The following SYBU variants were observed in gnomAD, a reference collection of about 807,000 sequenced individuals.
SYBU encodes GOLSYN A protein.
A neutral mutation model predicts 35.9 loss-of-function variants in SYBU; 21 were observed. The observed-to-expected ratio is 0.58, with a 90% CI of 0.41 to 0.84. The LOEUF (loss-of-function observed/expected upper bound fraction) is 0.84. Among genes scored for constraint, SYBU ranks in the 40% least tolerant of loss-of-function variants. The probability of loss-of-function intolerance (pLI) is 0.00; values close to 1 mark genes in which losing one functional copy is unlikely to be tolerated. For missense variants in SYBU, 768 were observed against 848.2 expected, an observed-to-expected ratio of 0.91 and a Z score of 1.17; for synonymous variants, 319 against 324.3, an observed-to-expected ratio of 0.98 and a Z score of 0.18.
chr8:109,616,891 C>A (rs1811858509), intron 3 of SYBU, among the ~76,000 whole-genome samples: 1 of 151,910 alleles, frequency 6.6e-6, no homozygotes, highest in Non-Finnish European at 1.5e-5. Context: ...GTAATCCCAG[C>A]ACTTTGGGAG....
upstream of SYBU, among the ~76,000 whole-genome samples, chr8:109,684,632 G>A (rs1430591444): frequency 1.3e-5 from 2 of 152,234 alleles, no homozygotes; most frequent in African/African-American, 2.4e-5. Flanking sequence ...GTCTTTGGCT[G>A]AACTTCATGC....
At chr8:109,624,845 A>C (rs562292471) in intron 2 of SYBU, among the ~76,000 whole-genome samples, 2 of 152,332 alleles carry the variant, frequency 1.3e-5, no homozygotes, top group Non-Finnish European at 2.9e-5. Flanking sequence ...ATTGGAACAC[A>C]GCCATGCCCA....
Position 109,672,868 on chromosome 8 carries a change from A to T in SYBU, c.-129+7843T>A, listed in dbSNP as rs375859065. Among the ~76,000 whole-genome samples the T allele has an allele frequency of 2.9e-4, 44 of 152,246 alleles. No homozygotes were observed. In the East Asian group the frequency reaches 4.5e-3, roughly 15 times the overall value. On this transcript the variant is annotated intron_variant, in intron 1 of 5. Transcript: ENST00000408889. ...GGGGGAGGGGCATCTGCCATTACTG[A>T]GGCTTGAGTAGGTGATTTTCCCCAC... is the stretch of plus-strand genomic sequence containing the variant.
In SYBU at chr8:109,597,704, G is replaced by T. The variant is rs968988129; in HGVS notation, c.428-11542C>A. Among the ~76,000 whole-genome samples, 3 of 152,138 alleles carry T rather than the reference G, an allele frequency of 2.0e-5. No homozygotes were observed. In the East Asian group the frequency reaches 5.8e-4, roughly 29 times the overall value. On this transcript the variant is annotated intron_variant, in intron 3 of 6. Transcript: ENST00000276646. ...ACTCCAGCCTGGGTGACAGAGTAAG[G>T]CCCTGTCTCAAAAAAAAGTTTTTTG...
chr8:109,657,597 T>C (rs559330909), intron 1 of SYBU, among the ~76,000 whole-genome samples: 1 of 152,364 alleles, frequency 6.6e-6, no homozygotes, highest in East Asian at 1.9e-4. Context: ...CTGTTGCCAC[T>C]GAAACTGGAA....
At chr8:109,633,827 G>A (rs894598358) in intron 2 of SYBU, among the ~76,000 whole-genome samples, 5 of 152,004 alleles carry the variant, frequency 3.3e-5, no homozygotes, top group East Asian at 1.9e-4. Flanking sequence ...TCCACCTCCC[G>A]GGCTCAAGTG....
intron 4 of SYBU, 175 bp downstream of exon 4, chr8:109,585,885 T>C (rs531103720): frequency 1.7e-5 from 10 of 588,990 alleles, no homozygotes; most frequent in African/African-American, 1.1e-4. Context: ...GTGACCACAG[T>C]TGGCAAGACA....
intron 3 of SYBU, chr8:109,608,146 G>A: frequency 1.9e-6 from 1 of 521,670 alleles, no homozygotes; most frequent in Non-Finnish European, 3.4e-6. Flanking sequence ...GCCTATCAGG[G>A]AAGAGCACAG....
In SYBU at chr8:109,575,940, G is replaced by A. The variant is rs375370963; in HGVS notation, c.958C>T (p.Arg320Trp). The A allele has an allele frequency of 1.4e-5, 23 of 1,612,594 alleles. No homozygotes were observed. The highest frequency in any genetic ancestry group is 2.2e-5 in the East Asian group (1 of 44,830). The change falls in exon 7 of 7, where the codon CGG becomes TGG. Residue 320 changes from arginine (R) to tryptophan (W), a missense_variant. Transcript: ENST00000276646. The part of the protein sequence containing the change: ...REDWIEEECH[R>W]VEAQLALKEA... Reference sequence around the variant, plus strand: ...TTGAGTGCCAACTGGGCCTCTACCCGGTGACACTCCTCCTCAATCCAGTCC... The same window carrying A: ...TTGAGTGCCAACTGGGCCTCTACCCAGTGACACTCCTCCTCAATCCAGTCC...
At position 109,579,829 on chromosome 8, in the gene SYBU, T is replaced by G. The variant is rs1822805576; in HGVS notation, c.704A>C (p.Tyr235Ser). 6.2e-7 allele frequency: 1 copy of G among 1,613,964 alleles called. No individual in the cohort carries two copies. The highest frequency in any genetic ancestry group is 8.5e-7 in the Non-Finnish European group (1 of 1,179,930). The change falls in exon 5 of 7, where the codon TAC becomes TCC. Residue 235 changes from tyrosine to serine, a missense_variant. Coordinates refer to ENST00000276646, the MANE Select transcript of SYBU (RefSeq NM_001099754.2). ...GATGGGGCTACAGTCGCTTCCTTTGTAGGAGCCTGAGTTGCTACTGCTTGG... is the reference window on the plus strand; with the variant it reads ...GATGGGGCTACAGTCGCTTCCTTTGGAGGAGCCTGAGTTGCTACTGCTTGG... Reference protein sequence around the residue: ...SSPSSSNSGSYKGSDCSPIMR... With the variant: ...SSPSSSNSGSSKGSDCSPIMR...
chr8:109,662,749 T>A (rs1339075399), intron 1 of SYBU, among the ~76,000 whole-genome samples: 1 of 152,230 alleles, frequency 6.6e-6, no homozygotes, highest in Non-Finnish European at 1.5e-5. Context: ...ACAAACTTTC[T>A]TGGTTATTCC....
At chr8:109,642,159 A>G (rs1039785599) in intron 2 of SYBU, among the ~76,000 whole-genome samples, 3 of 152,216 alleles carry the variant, frequency 2.0e-5, no homozygotes, top group Admixed American at 1.3e-4. Context: ...TTGCAGGGAC[A>G]TGGATGAAGC....
At chr8:109,578,202 C>T (rs890768162) in intron 5 of SYBU, among the ~76,000 whole-genome samples, 185 bp from the exon 6 acceptor site, 1 of 152,138 alleles carries the variant, frequency 6.6e-6, no homozygotes, top group African/African-American at 2.4e-5. Context: ...AGGGTGAAGC[C>T]TTCATAAATG....
intron 1 of SYBU, among the ~76,000 whole-genome samples, chr8:109,660,287 T>C (rs1206195209): frequency 6.6e-6 from 1 of 152,224 alleles, no homozygotes; most frequent in Admixed American, 6.5e-5. Flanking sequence ...ATCAGTACTA[T>C]GTTGACAAGT....
rs190794821 is a variant in SYBU at position 109,690,337 on chromosome 8, C to T, written c.-58+996G>A. Among the ~76,000 whole-genome samples, 376 of 152,332 alleles carry T rather than the reference C, an allele frequency of 2.5e-3. 3 individuals are homozygous for T. The Middle Eastern group carries it at 0.041, about 17-fold the overall frequency. ...TGACTCCTTTTGCCCCAAGGGCGCC[C>T]TATGGGGAGGAAAAGGCAAACATTC... On this transcript the variant is annotated intron_variant, in intron 1 of 7. Coordinates refer to the SYBU transcript ENST00000422135.
chr8:109,689,006 T>G (rs1180754081), intron 1 of SYBU, among the ~76,000 whole-genome samples: 1 of 152,168 alleles, frequency 6.6e-6, no homozygotes, highest in Non-Finnish European at 1.5e-5. Context: ...GGTGTTAGTT[T>G]GTACCATAAC....
upstream of SYBU, among the ~76,000 whole-genome samples, chr8:109,648,246 AAT>A (rs531623978): frequency 0.024 from 3,512 of 145,950 alleles, 131 homozygotes; most frequent in African/African-American, 0.085. Flanking sequence ...AATATATAAT[AAT>A]ATATATATAC....
At chr8:109,603,115 G>A (rs147877014) in intron 3 of SYBU, among the ~76,000 whole-genome samples, 275 of 152,356 alleles carry the variant, frequency 1.8e-3, no homozygotes, top group Non-Finnish European at 2.2e-3. Context: ...GCACTGGGAT[G>A]CCTCGCTCCT....
chr8:109,686,490 C>G (rs1474795639), intron 1 of SYBU, among the ~76,000 whole-genome samples: 1 of 152,174 alleles, frequency 6.6e-6, no homozygotes, highest in East Asian at 1.9e-4. Flanking sequence ...CTCACTTAGA[C>G]TATCATTCCA....
Sources: allele counts gnomAD v4.1 joint callset (sites outside exome capture counted in the v4.1 genomes callset), GRCh38; gene constraint gnomAD v4.1.1; transcripts MANE v1.5; gene names NCBI Gene and HGNC (gene_info 2026-07-23, HGNC 2026-07-21).